Variants in BBS9 observed in about 807,000 individuals in gnomAD.
BBS9 encodes the protein Bardet-Biedl syndrome 9.
Under a neutral mutation model 117.7 loss-of-function variants are expected in BBS9, and 89 were observed. That is an observed-to-expected ratio of 0.76 (90% CI 0.64 to 0.90). The LOEUF is 0.90. BBS9 is among the 40% of genes least tolerant of loss of function. BBS9 has a pLI of 0.00. For missense variants in BBS9, 982 were observed against 1,042.2 expected (o/e 0.94, Z 0.80); for synonymous variants, 379 against 370.9 (o/e 1.02, Z -0.25).
intron 10 of BBS9, 94 bp from the exon 11 acceptor site, chr7:33,340,803 T>C: frequency 1.9e-6 from 2 of 1,036,222 alleles, no homozygotes; most frequent in South Asian, 3.0e-5. Context: ...TATGGGGTTT[T>C]TTTTATATGT....
At chr7:33,594,381 A>G (rs1585404377) in intron 21 of BBS9, among the ~76,000 whole-genome samples, 1 of 152,046 alleles carries the variant, frequency 6.6e-6, no homozygotes, top group Non-Finnish European at 1.5e-5. Context: ...AGTGACCTTC[A>G]CCTGCCCCTC....
At chr7:33,330,463 T>A (rs954504582) in intron 9 of BBS9, among the ~76,000 whole-genome samples, 1 of 152,196 alleles carries the variant, frequency 6.6e-6, no homozygotes, top group African/African-American at 2.4e-5. Context: ...CTATAACAAG[T>A]TTAAAATTTT....
intron 1 of BBS9, among the ~76,000 whole-genome samples, chr7:33,139,366 G>A (rs1051624225): frequency 4.6e-5 from 7 of 150,968 alleles, no homozygotes; most frequent in African/African-American, 1.7e-4. Flanking sequence ...CATATTGGAG[G>A]ATTCTTTTGA....
intron 19 of BBS9, among the ~76,000 whole-genome samples, chr7:33,445,756 C>G (rs910849376): frequency 2.0e-5 from 3 of 152,110 alleles, no homozygotes; most frequent in East Asian, 1.9e-4. Flanking sequence ...GGGCAGTTCC[C>G]CCATGCTGTT....
At chr7:33,606,262 A>G (rs1425336458), downstream of BBS9, among the ~76,000 whole-genome samples, 1 of 152,228 alleles carries the variant, frequency 6.6e-6, no homozygotes, top group Non-Finnish European at 1.5e-5. Context: ...TACTGAAATT[A>G]TCATTTTCTC....
At chr7:33,270,365 T>C (rs1042979585) in intron 7 of BBS9, among the ~76,000 whole-genome samples, 10 of 152,112 alleles carry the variant, frequency 6.6e-5, no homozygotes, top group Non-Finnish European at 1.0e-4. Context: ...TGGGCTGAGA[T>C]GGCTAAAATG....
intron 9 of BBS9, among the ~76,000 whole-genome samples, chr7:33,326,740 T>A (rs1462360053): frequency 6.6e-6 from 1 of 151,958 alleles, no homozygotes; most frequent in African/African-American, 2.4e-5. Context: ...AGGCAGTGGG[T>A]TCCCTTCTGG....
intron 13 of BBS9, chr7:33,349,407 A>T: frequency 3.8e-6 from 2 of 530,276 alleles, no homozygotes; most frequent in Middle Eastern, 3.3e-4. Context: ...GCTTTTCTGA[A>T]CTTGTTGGAC....
intron 4 of BBS9, among the ~76,000 whole-genome samples, chr7:33,166,523 G>A (rs940162851): frequency 6.6e-6 from 1 of 152,240 alleles, no homozygotes; most frequent in African/African-American, 2.4e-5. Flanking sequence ...CCAAGTTTGA[G>A]CTTCCTCCAG....
rs370479056 is a variant in BBS9 at position 33,509,038 on chromosome 7, ACT to A, written c.2298+3398_2298+3399del. Among the ~76,000 whole-genome samples the A allele has an allele frequency of 1.3e-3, 192 of 152,124 alleles. 7 individuals are homozygous for A. The South Asian group carries it at 0.039, about 31-fold the overall frequency. On this transcript the variant is annotated intron_variant, in intron 20 of 22. Transcript: ENST00000242067. ...AAACATGTAGAAGAAAATTCTTTCA[ACT>A]CTCTTCTGAATTCGGTGAGATTAGA...
intron 13 of BBS9, 43 bp from the exon 14 acceptor site, chr7:33,351,176 G>A (rs1818576690): frequency 1.5e-6 from 2 of 1,340,282 alleles, no homozygotes; most frequent in East Asian, 4.6e-5. Context: ...AATAACAGTT[G>A]CCCCAAATTA....
At chr7:33,237,538 G>A (rs953476876) in intron 5 of BBS9, among the ~76,000 whole-genome samples, 5 of 152,142 alleles carry the variant, frequency 3.3e-5, no homozygotes, top group Non-Finnish European at 7.3e-5. Flanking sequence ...TCACTTAAGA[G>A]TAGTGGTATG....
chr7:33,241,165 C>T (rs994478456), intron 5 of BBS9, among the ~76,000 whole-genome samples: 2 of 152,016 alleles, frequency 1.3e-5, no homozygotes, highest in African/African-American at 4.8e-5. Context: ...TGCTTGGTGG[C>T]TATTGTGAAT....
chr7:33,361,325 T>C (rs573832436), intron 16 of BBS9, among the ~76,000 whole-genome samples: 7 of 152,362 alleles, frequency 4.6e-5, no homozygotes, highest in African/African-American at 1.4e-4. Context: ...TGCTCAAGTA[T>C]GTTTCTACAT....
chr7:33,318,919 C>T (rs934621609), intron 9 of BBS9, among the ~76,000 whole-genome samples: 4 of 152,166 alleles, frequency 2.6e-5, no homozygotes, highest in African/African-American at 9.7e-5. Context: ...AATCTCAGCA[C>T]TTTGGGAGGC....
At chr7:33,275,563 C>G (rs543230729) in intron 9 of BBS9, among the ~76,000 whole-genome samples, 56 of 152,316 alleles carry the variant, frequency 3.7e-4, no homozygotes, top group African/African-American at 1.3e-3. Flanking sequence ...CAGATCCACA[C>G]TGGTGAGTAT....
At chr7:33,137,308 G>A (rs1790657852) in intron 1 of BBS9, among the ~76,000 whole-genome samples, 2 of 152,092 alleles carry the variant, frequency 1.3e-5, no homozygotes, top group Non-Finnish European at 2.9e-5. Flanking sequence ...AAACTGCAGG[G>A]GCAGGGGTGC....
chr7:33,208,761 G>A (rs895994098), intron 5 of BBS9, among the ~76,000 whole-genome samples: 3 of 151,568 alleles, frequency 2.0e-5, no homozygotes, highest in African/African-American at 7.3e-5. Flanking sequence ...AGGGGGAAGT[G>A]GGTGACCACT....
intron 7 of BBS9, among the ~76,000 whole-genome samples, chr7:33,266,829 G>A (rs907903989): frequency 3.9e-5 from 6 of 152,036 alleles, no homozygotes; most frequent in Middle Eastern, 3.4e-3. Context: ...TGCAACCTCC[G>A]CCTCCCGGGT....
Sources: gnomAD v4.1 joint callset for allele counts (sites outside exome capture counted in the v4.1 genomes callset) on GRCh38, gnomAD v4.1.1 for gene constraint, MANE v1.5 for transcripts, NCBI Gene and HGNC (gene_info 2026-07-23, HGNC 2026-07-21) for gene names.